The following RBFOX3 variants were observed in gnomAD, a reference collection of about 807,000 sequenced individuals.
RBFOX3 encodes the protein RNA binding protein fox-1 homolog 3.
A neutral mutation model predicts 48.7 loss-of-function variants in RBFOX3; 17 were observed. The ratio of observed to expected loss-of-function variants is 0.35; its 90% CI spans 0.24 to 0.52. RBFOX3 has a LOEUF of 0.52. Ranked by LOEUF, RBFOX3 falls within the 20% of genes least tolerant of loss-of-function variation. The pLI is 0.94. For missense variants in RBFOX3, 382 were observed against 497.5 expected (o/e 0.77, Z 2.21); for synonymous variants, 212 against 209.5 (o/e 1.01, Z -0.10).
chr17:79,617,700 C>T, the RBFOX3 span, among the ~76,000 whole-genome samples: 1 of 152,250 alleles, frequency 6.6e-6, no homozygotes, highest in Non-Finnish European at 1.5e-5. Context: ...CCCCAATGAG[C>T]TCATCCCTCC....
intron 3 of RBFOX3, among the ~76,000 whole-genome samples, chr17:79,239,234 G>A (rs1482161811): frequency 1.3e-5 from 2 of 152,122 alleles, no homozygotes; most frequent in Non-Finnish European, 2.9e-5. Flanking sequence ...CTGGGGGCGG[G>A]GGAAGGAGAG....
chr17:79,292,666 G>A (rs1288928255), intron 3 of RBFOX3, among the ~76,000 whole-genome samples: 1 of 152,066 alleles, frequency 6.6e-6, no homozygotes, highest in African/African-American at 2.4e-5. Context: ...TGCTGCGAAG[G>A]ACAGCATGGG....
At chr17:79,114,735 C>T (rs1391647180) in intron 5 of RBFOX3, among the ~76,000 whole-genome samples, 2 of 152,174 alleles carry the variant, frequency 1.3e-5, no homozygotes, top group African/African-American at 4.8e-5. Flanking sequence ...GTTGGATGAA[C>T]CTGGAGCCCC....
At chr17:79,420,166 C>T (rs1333483454) in intron 2 of RBFOX3, among the ~76,000 whole-genome samples, 1 of 135,250 alleles carries the variant, frequency 7.4e-6, no homozygotes, top group Non-Finnish European at 1.6e-5. Context: ...CACACACACA[C>T]ACACACACAA....
chr17:79,541,926 G>A (rs924968057), intron 1 of RBFOX3, among the ~76,000 whole-genome samples: 1 of 152,106 alleles, frequency 6.6e-6, no homozygotes, highest in East Asian at 1.9e-4. Context: ...CACGGAGCAC[G>A]GGGCTCCTCC....
chr17:79,187,579 A>G (rs2053669332), intron 4 of RBFOX3, among the ~76,000 whole-genome samples: 1 of 152,046 alleles, frequency 6.6e-6, no homozygotes, highest in Non-Finnish European at 1.5e-5. Flanking sequence ...CTAGATCTCC[A>G]CAGTGGGGTG....
intron 2 of RBFOX3, among the ~76,000 whole-genome samples, chr17:79,475,065 C>T (rs889507847): frequency 3.9e-5 from 6 of 152,118 alleles, no homozygotes; most frequent in Non-Finnish European, 7.3e-5. Context: ...ACTTGCAGCA[C>T]GAACTGTTTA....
chr17:79,613,736 G>T (rs2093983561), upstream of RBFOX3, among the ~76,000 whole-genome samples: 2 of 152,222 alleles, frequency 1.3e-5, no homozygotes, highest in African/African-American at 4.8e-5. Flanking sequence ...CACTTTGGGA[G>T]GCTGAGGTGG....
intron 4 of RBFOX3, among the ~76,000 whole-genome samples, chr17:79,215,988 G>T (rs891573126): frequency 6.6e-6 from 1 of 152,234 alleles, no homozygotes; most frequent in Non-Finnish European, 1.5e-5. Flanking sequence ...TGCAAGCAGC[G>T]GACGCAGGGC....
intron 4 of RBFOX3, among the ~76,000 whole-genome samples, chr17:79,186,364 C>T (rs1317427860): frequency 1.3e-5 from 2 of 152,278 alleles, no homozygotes; most frequent in African/African-American, 2.4e-5. Flanking sequence ...GCGAACAGCA[C>T]GCACCTCAGT....
At chr17:79,618,056 G>A in the RBFOX3 span, among the ~76,000 whole-genome samples, 23 of 152,210 alleles carry the variant, frequency 1.5e-4, no homozygotes, top group Non-Finnish European at 2.6e-4. Context: ...CCACTTGCAC[G>A]CCGTCCGTCT....
At chr17:79,138,610 A>ACG in intron 4 of RBFOX3, among the ~76,000 whole-genome samples, 1 of 116,800 alleles carries the variant, frequency 8.6e-6, no homozygotes, top group East Asian at 2.5e-4. Flanking sequence ...TCACCCACAC[A>ACG]CACATAGCAC....
chr17:79,211,207 C>T (rs1442780536), intron 4 of RBFOX3, among the ~76,000 whole-genome samples: 1 of 152,198 alleles, frequency 6.6e-6, no homozygotes, highest in Non-Finnish European at 1.5e-5. Flanking sequence ...CAGCACGGCC[C>T]GATGCGGGCT....
chr17:79,295,231 TA>T (rs1026293647), intron 3 of RBFOX3, among the ~76,000 whole-genome samples: 17 of 152,200 alleles, frequency 1.1e-4, no homozygotes, highest in Non-Finnish European at 1.8e-4. Context: ...GTGTCCTCAC[TA>T]AATCCACAGC....
intron 2 of RBFOX3, among the ~76,000 whole-genome samples, chr17:79,408,209 C>T (rs1332406719): frequency 1.3e-5 from 2 of 152,194 alleles, no homozygotes; most frequent in Non-Finnish European, 2.9e-5. Flanking sequence ...CCCAGACACA[C>T]ACTCGATGGC....
intron 3 of RBFOX3, among the ~76,000 whole-genome samples, chr17:79,293,934 G>A (rs1272937628): frequency 6.6e-6 from 1 of 152,194 alleles, no homozygotes; most frequent in African/African-American, 2.4e-5. Flanking sequence ...AGGATGGAGA[G>A]ATGAAACAGG....
Position 79,090,889 on chromosome 17 carries a change from C to CAACA in RBFOX3, c.1078-8_1078-5dup. 4.6e-6 allele frequency: 7 copies of CAACA among 1,535,592 alleles called. No homozygotes were observed. The highest frequency in any genetic ancestry group is 6.1e-6 in the Non-Finnish European group (7 of 1,140,948). On this transcript the variant is annotated splice_polypyrimidine_tract_variant and splice_region_variant and intron_variant, in intron 14 of 14. Coordinates refer to ENST00000693108, the MANE Select transcript of RBFOX3 (RefSeq NM_001350451.2). ...AAGGAAACGGTGGAAGGTTTCACTA[C>CAACA]AACAGAAACAGAAAGGCAGGACTTG... is the stretch of plus-strand genomic sequence containing the variant.
rs147420491 is a variant in RBFOX3, at chr17:79,303,973, A to G, written c.-74+3751T>C. On this transcript the variant is annotated intron_variant, in intron 3 of 14. Transcript: ENST00000693108. Reference sequence around the variant, plus strand: ...AAGCCAGATGCACCACCCGCTATGGAGCTGCCTGCGACTTGGGGTTTTACC... The same window carrying G: ...AAGCCAGATGCACCACCCGCTATGGGGCTGCCTGCGACTTGGGGTTTTACC... Among the ~76,000 whole-genome samples, 1,007 of 152,204 alleles carry G rather than the reference A, an allele frequency of 6.6e-3. 13 individuals are homozygous for G. Among genetic ancestry groups the G allele is most frequent in the African/African-American group, 0.023 (955 of 41,504 alleles).
intron 2 of RBFOX3, among the ~76,000 whole-genome samples, chr17:79,420,518 G>A (rs1301322517): frequency 1.3e-5 from 2 of 152,152 alleles, no homozygotes; most frequent in Admixed American, 6.5e-5. Flanking sequence ...GCCATGTCCA[G>A]GCTCTGTCCA....
Sources: gnomAD v4.1 joint callset for allele counts (sites outside exome capture counted in the v4.1 genomes callset) on GRCh38, gnomAD v4.1.1 for gene constraint, MANE v1.5 for transcripts, NCBI Gene and HGNC (gene_info 2026-07-23, HGNC 2026-07-21) for gene names.